The following STK39 variants were observed in gnomAD, a reference collection of about 807,000 sequenced individuals.
The protein encoded by STK39 is serine/threonine kinase 39.
A neutral mutation model predicts 77.8 loss-of-function variants in STK39; 20 were observed. That is an observed-to-expected ratio of 0.26 (90% CI 0.18 to 0.37). The LOEUF is 0.37. Ranked by LOEUF, STK39 falls within the 10% of genes least tolerant of loss-of-function variation. The pLI is 1.00. For synonymous variants in STK39, 246 were observed against 234.1 expected (o/e 1.05, Z -0.47); for missense variants, 479 against 656.5 (o/e 0.73, Z 2.95).
chr2:168,149,766 T>C (rs1688232620), intron 5 of STK39, among the ~76,000 whole-genome samples: 1 of 152,256 alleles, frequency 6.6e-6, no homozygotes, highest in Admixed American at 6.5e-5. Flanking sequence ...GCATGGCTTT[T>C]CATGCCAGAA....
chr2:167,996,522 A>G (rs1046313830), intron 16 of STK39, among the ~76,000 whole-genome samples: 2 of 152,350 alleles, frequency 1.3e-5, no homozygotes, highest in South Asian at 4.1e-4. Flanking sequence ...CTTAGCGTCC[A>G]GCCCGCCCCC....
intron 1 of STK39, among the ~76,000 whole-genome samples, chr2:168,185,854 C>T (rs916006430): frequency 1.3e-5 from 2 of 152,130 alleles, no homozygotes; most frequent in Middle Eastern, 3.2e-3. Flanking sequence ...TAAATCCCTG[C>T]CATGTAGCAG....
intron 12 of STK39, among the ~76,000 whole-genome samples, chr2:168,074,167 A>C (rs976952450): frequency 2.6e-5 from 4 of 152,210 alleles, no homozygotes; most frequent in African/African-American, 9.7e-5. Flanking sequence ...TTCAAACTCC[A>C]TGATGACAGG....
chr2:168,134,609 A>G (rs1450723870), intron 8 of STK39, among the ~76,000 whole-genome samples: 1 of 152,154 alleles, frequency 6.6e-6, no homozygotes, highest in Admixed American at 6.5e-5. Flanking sequence ...AGGAATAGCA[A>G]GATGTTCTGG....
At chr2:168,063,118 T>C (rs183891449) in intron 14 of STK39, among the ~76,000 whole-genome samples, 2 of 152,212 alleles carry the variant, frequency 1.3e-5, no homozygotes, top group African/African-American at 4.8e-5. Context: ...AGTACAAGCA[T>C]GGTTTATTTC....
chr2:167,971,162 G>T (rs984791125), intron 16 of STK39, among the ~76,000 whole-genome samples: 8 of 151,858 alleles, frequency 5.3e-5, no homozygotes, highest in South Asian at 4.2e-4. Flanking sequence ...TAGTGGGTAA[G>T]TTCTCTCTCA....
chr2:168,056,541 T>G (rs181836329), intron 14 of STK39, among the ~76,000 whole-genome samples: 6 of 152,158 alleles, frequency 3.9e-5, no homozygotes, highest in African/African-American at 1.4e-4. Context: ...ATAACACACA[T>G]AAATGTCACA....
intron 16 of STK39, among the ~76,000 whole-genome samples, chr2:167,977,064 T>C (rs1364805678): frequency 3.3e-5 from 5 of 152,250 alleles, no homozygotes; most frequent in South Asian, 2.1e-4. Flanking sequence ...AAAGAAAACA[T>C]AGAAATACAC....
At chr2:168,014,077 T>C (rs955552977) in intron 15 of STK39, among the ~76,000 whole-genome samples, 8 of 152,138 alleles carry the variant, frequency 5.3e-5, no homozygotes, top group Non-Finnish European at 1.2e-4. Flanking sequence ...GAAGTCATAA[T>C]AAAATGGAAT....
chr2:168,221,412 T>C (rs539660841), intron 1 of STK39, among the ~76,000 whole-genome samples: 2 of 152,236 alleles, frequency 1.3e-5, no homozygotes, highest in South Asian at 2.1e-4. Flanking sequence ...CATGTTTGTA[T>C]AGGCAGCACT....
At chr2:168,234,874 C>T (rs1313117088) in intron 1 of STK39, among the ~76,000 whole-genome samples, 1 of 151,708 alleles carries the variant, frequency 6.6e-6, no homozygotes, top group Non-Finnish European at 1.5e-5. Flanking sequence ...AGTCATAGGC[C>T]AGATGCAGTG....
chr2:168,220,213 G>A (rs1224515068), intron 1 of STK39, among the ~76,000 whole-genome samples: 3 of 152,084 alleles, frequency 2.0e-5, no homozygotes, highest in Admixed American at 6.6e-5. Context: ...TGCCAATAAT[G>A]AAAGGAAACT....
Position 168,226,872 on chromosome 2 carries a change from T to C in STK39, c.208+20356A>G, listed in dbSNP as rs530749239. 3.3e-5 allele frequency among the ~76,000 whole-genome samples: 5 copies of C among 152,216 alleles called. 1 individual carries two copies. Among genetic ancestry groups the C allele is most frequent in the South Asian group, 4.1e-4 (2 of 4,826 alleles). ...CTGGATATCTATCCCACAGAAATAA[T>C]AAAAACTTGGAAACAATCAATAAGT... On this transcript the variant is annotated intron_variant, in intron 1 of 17. Transcript: ENST00000355999.
chr2:168,211,763 G>A (rs1689896785), intron 1 of STK39, among the ~76,000 whole-genome samples: 1 of 152,222 alleles, frequency 6.6e-6, no homozygotes, highest in South Asian at 2.1e-4. Flanking sequence ...TAATCTGTCA[G>A]TGTAGCTGTG....
intron 5 of STK39, among the ~76,000 whole-genome samples, chr2:168,150,905 T>C (rs1688262592): frequency 6.6e-6 from 1 of 151,992 alleles, no homozygotes; most frequent in South Asian, 2.1e-4. Context: ...CCAAAGAGGT[T>C]CTTCTGACAC....
chr2:168,219,271 G>A (rs1451806752), intron 1 of STK39, among the ~76,000 whole-genome samples: 1 of 151,476 alleles, frequency 6.6e-6, no homozygotes, highest in East Asian at 1.9e-4. Context: ...GGGTGACAGA[G>A]TGAGACTCTT....
chr2:167,967,279 CT>C (rs1692183670), intron 16 of STK39, among the ~76,000 whole-genome samples: 1 of 152,184 alleles, frequency 6.6e-6, no homozygotes, highest in South Asian at 2.1e-4. Context: ...GAACTAGTCC[CT>C]CCCTTCCCAG....
intron 10 of STK39, among the ~76,000 whole-genome samples, chr2:168,086,504 A>G (rs1287469770): frequency 6.6e-6 from 1 of 152,222 alleles, no homozygotes; most frequent in Non-Finnish European, 1.5e-5. Context: ...AGTTCTGCTA[A>G]AATTAGGCAT....
chr2:168,011,136 A>G (rs1007850693), intron 16 of STK39, among the ~76,000 whole-genome samples: 1 of 152,208 alleles, frequency 6.6e-6, no homozygotes, highest in African/African-American at 2.4e-5. Flanking sequence ...TGTCTCTACT[A>G]AAAATACAAA....
Sources: gnomAD v4.1 joint callset for allele counts (sites outside exome capture counted in the v4.1 genomes callset) on GRCh38, gnomAD v4.1.1 for gene constraint, MANE v1.5 for transcripts, NCBI Gene and HGNC (gene_info 2026-07-23, HGNC 2026-07-21) for gene names.